Variants in PAK1 observed in about 807,000 individuals in gnomAD.
PAK1 encodes p21 (RAC1) activated kinase 1, also known as serine/threonine-protein kinase PAK 1.
PAK1 carries 29 observed loss-of-function variants against 67.4 expected under a neutral mutation model. The ratio of observed to expected loss-of-function variants is 0.43; its 90% CI spans 0.32 to 0.59. The LOEUF is 0.59. Among genes scored for constraint, PAK1 ranks in the 20% least tolerant of loss-of-function variants. PAK1 has a pLI of 0.07. For missense variants in PAK1, 337 were observed against 670.7 expected, an observed-to-expected ratio of 0.50 and a Z score of 5.50; for synonymous variants, 223 against 237.4, an observed-to-expected ratio of 0.94 and a Z score of 0.56.
At chr11:77,429,134 A>C (rs1955742283) in intron 1 of PAK1, among the ~76,000 whole-genome samples, 1 of 149,292 alleles carries the variant, frequency 6.7e-6, no homozygotes, top group Non-Finnish European at 1.5e-5. Context: ...TGGTATAGAG[A>C]AAGTACAGGA....
intron 5 of PAK1, among the ~76,000 whole-genome samples, chr11:77,371,675 A>G (rs554918008): frequency 5.3e-5 from 8 of 152,362 alleles, no homozygotes; most frequent in Non-Finnish European, 7.3e-5. Flanking sequence ...ACATGCTACC[A>G]TAATACAAAA....
At chr11:77,520,040 G>A in the PAK1 span, among the ~76,000 whole-genome samples, 393 of 144,836 alleles carry the variant, frequency 2.7e-3, 1 homozygote, top group Non-Finnish European at 3.1e-3. Context: ...CATTCCCCCA[G>A]TGCACATGTG....
upstream of PAK1, chr11:77,474,721 A>C (rs1411413592): frequency 6.6e-6 from 1 of 152,184 alleles, no homozygotes; most frequent in East Asian, 1.9e-4. Flanking sequence ...TATAACGGAG[A>C]TGTTTGAACT....
intron 1 of PAK1, among the ~76,000 whole-genome samples, chr11:77,407,199 C>T (rs1953715549): frequency 6.6e-6 from 1 of 152,060 alleles, no homozygotes; most frequent in Admixed American, 6.5e-5. Flanking sequence ...ACTTTTAAGT[C>T]CCCCTTCCCC....
At chr11:77,407,144 G>A (rs994917256) in intron 1 of PAK1, among the ~76,000 whole-genome samples, 2 of 152,050 alleles carry the variant, frequency 1.3e-5, no homozygotes, top group Non-Finnish European at 2.9e-5. Flanking sequence ...TTAAAAATCA[G>A]GTAACAGTAA....
At chr11:77,365,324 G>A (rs182504855) in intron 5 of PAK1, among the ~76,000 whole-genome samples, 1 of 148,032 alleles carries the variant, frequency 6.8e-6, no homozygotes. Flanking sequence ...AAGAACTGAG[G>A]TAAAAAAAAA....
At chr11:77,450,330 A>C (rs1378675483) in intron 1 of PAK1, among the ~76,000 whole-genome samples, 1 of 151,896 alleles carries the variant, frequency 6.6e-6, no homozygotes, top group Non-Finnish European at 1.5e-5. Flanking sequence ...TTGTGCATTA[A>C]AGCCACAAAT....
At chr11:77,393,712 T>C (rs962646715) in intron 1 of PAK1, among the ~76,000 whole-genome samples, 1 of 152,132 alleles carries the variant, frequency 6.6e-6, no homozygotes, top group Non-Finnish European at 1.5e-5. Flanking sequence ...ATCTAAAAGA[T>C]AGGGGATAGG....
intron 1 of PAK1, among the ~76,000 whole-genome samples, chr11:77,460,506 G>A (rs1039406513): frequency 2.6e-5 from 4 of 151,400 alleles, no homozygotes; most frequent in African/African-American, 4.9e-5. Flanking sequence ...TTGAAGGAAA[G>A]CAGAGATAGG....
the PAK1 span, among the ~76,000 whole-genome samples, chr11:77,497,001 T>C: frequency 1.3e-5 from 2 of 152,186 alleles, no homozygotes; most frequent in African/African-American, 2.4e-5. Context: ...GTAGCCTCCT[T>C]TGAACTGAGG....
chr11:77,477,899 G>T (rs533729123), upstream of PAK1, among the ~76,000 whole-genome samples: 2 of 152,292 alleles, frequency 1.3e-5, no homozygotes, highest in Admixed American at 6.5e-5. Context: ...CTCCAGCCCA[G>T]GAAACAGCGT....
At chr11:77,445,303 G>C (rs530421293) in intron 1 of PAK1, among the ~76,000 whole-genome samples, 1 of 152,156 alleles carries the variant, frequency 6.6e-6, no homozygotes, top group African/African-American at 2.4e-5. Context: ...CTAGAACTGA[G>C]AGACCACAAA....
the PAK1 span, among the ~76,000 whole-genome samples, chr11:77,494,090 T>C: frequency 4.6e-5 from 7 of 152,190 alleles, no homozygotes; most frequent in Admixed American, 2.0e-4. Flanking sequence ...TTTAAAAACA[T>C]GCATACCCTA....
the PAK1 span, among the ~76,000 whole-genome samples, chr11:77,502,547 G>T: frequency 6.6e-6 from 1 of 152,170 alleles, no homozygotes; most frequent in Admixed American, 6.5e-5. Flanking sequence ...AATGCAGAAA[G>T]AAATTTACCA....
At position 77,329,553 on chromosome 11, in the gene PAK1, T is replaced by C. The variant is rs566618102; in HGVS notation, c.1551+3177A>G. On this transcript the variant is annotated intron_variant, in intron 14 of 14. Transcript: ENST00000356341. Reference sequence around the variant, plus strand: ...AAAACCACATGATTATCTCAATAGATGCAGAAAAGGCCTTTGACAAAATTC... The same window carrying C: ...AAAACCACATGATTATCTCAATAGACGCAGAAAAGGCCTTTGACAAAATTC... 6.6e-5 allele frequency among the ~76,000 whole-genome samples: 10 copies of C among 152,320 alleles called. No homozygotes were observed. In the South Asian group the frequency reaches 1.7e-3, roughly 25 times the overall value.
Position 77,366,957 on chromosome 11 carries a change from A to T in PAK1, c.477+7371T>A, listed in dbSNP as rs115686019. On this transcript the variant is annotated intron_variant, in intron 5 of 14. Transcript: ENST00000356341. Reference sequence around the variant, plus strand: ...GAACAACCCAAGTACACATCAACTGATGAGAAGATAAATAAAATGTAGTGT... The same window carrying T: ...GAACAACCCAAGTACACATCAACTGTTGAGAAGATAAATAAAATGTAGTGT... Among the ~76,000 whole-genome samples the T allele has an allele frequency of 7.9e-3, 1,209 of 152,368 alleles. 21 individuals carry two copies. Among genetic ancestry groups the T allele is most frequent in the African/African-American group, 0.028 (1,162 of 41,582 alleles).
intron 1 of PAK1, among the ~76,000 whole-genome samples, chr11:77,425,007 T>C (rs529554083): frequency 1.8e-4 from 28 of 152,370 alleles, no homozygotes; most frequent in Admixed American, 1.3e-3. Context: ...TACATATCTT[T>C]GGCTCAGCCG....
At chr11:77,326,677 C>T (rs1262931485) in intron 14 of PAK1, among the ~76,000 whole-genome samples, 1 of 152,106 alleles carries the variant, frequency 6.6e-6, no homozygotes. Context: ...AGAGAGAGAT[C>T]CTGTCTCGAA....
At chr11:77,369,415 TG>T (rs2136868417) in intron 5 of PAK1, among the ~76,000 whole-genome samples, 1 of 150,832 alleles carries the variant, frequency 6.6e-6, no homozygotes, top group African/African-American at 2.4e-5. Flanking sequence ...TTCACTTATA[TG>T]CATTTGTTGT....
Sources: allele counts gnomAD v4.1 joint callset (sites outside exome capture counted in the v4.1 genomes callset), GRCh38; gene constraint gnomAD v4.1.1; transcripts MANE v1.5; gene names NCBI Gene and HGNC (gene_info 2026-07-23, HGNC 2026-07-21).